Variants in RYR3 observed in about 807,000 individuals in gnomAD.
The protein encoded by RYR3 is ryanodine receptor 3.
In RYR3, 207 loss-of-function variants were observed where a neutral mutation model predicts 584.3. The ratio of observed to expected loss-of-function variants is 0.35; its 90% CI spans 0.32 to 0.40. The LOEUF (loss-of-function observed/expected upper bound fraction) is 0.40, where lower values mean the gene tolerates loss of function less well. Among genes scored for constraint, RYR3 ranks in the 10% least tolerant of loss-of-function variants. The pLI is 1.00. For synonymous variants in RYR3, 2,416 were observed against 2,248.5 expected (o/e 1.07, Z -2.11); for missense variants, 5,616 against 6,089.2 (o/e 0.92, Z 2.59).
chr15:33,647,364 C>CGGAACTGT lies in RYR3; in HGVS notation c.3942-57_3942-50dup, dbSNP rs145808770. The CGGAACTGT allele has an allele frequency of 1.0e-3, 1,387 of 1,384,218 alleles. 14 individuals are homozygous for CGGAACTGT. In the African/African-American group the frequency reaches 0.017, roughly 17 times the overall value. The allele number at this position is 1,384,218 out of a possible 1,614,324, so 85.7% of individuals were successfully genotyped here. A position where few individuals can be genotyped will look rare whatever the true frequency, so the allele number is the denominator to read the frequency against. ...ATTGAAGGTAGATCAAGTTGCCTGTCGGAACTGTGGGATTCTCAATACAGC... is the reference window on the plus strand; with the variant it reads ...ATTGAAGGTAGATCAAGTTGCCTGTCGGAACTGTGGAACTGTGGGATTCTCAATACAGC... On this transcript the variant is annotated intron_variant, in intron 29 of 103. Coordinates refer to ENST00000634891, the MANE Select transcript of RYR3 (RefSeq NM_001036.6).
intron 36 of RYR3, among the ~76,000 whole-genome samples, chr15:33,664,833 A>G (rs1480767762): frequency 6.6e-6 from 1 of 151,918 alleles, no homozygotes; most frequent in African/African-American, 2.4e-5. Flanking sequence ...CAGAACTACA[A>G]CTCCATCCAA....
intron 38 of RYR3, among the ~76,000 whole-genome samples, chr15:33,690,726 T>G (rs1344486220): frequency 3.9e-5 from 6 of 152,316 alleles, no homozygotes; most frequent in Non-Finnish European, 8.8e-5. Context: ...TCTCAAACCC[T>G]TTGGTCTTGG....
At chr15:33,463,766 C>T (rs963144391) in intron 1 of RYR3, among the ~76,000 whole-genome samples, 3 of 152,234 alleles carry the variant, frequency 2.0e-5, no homozygotes, top group Non-Finnish European at 4.4e-5. Flanking sequence ...TATGGTCAAG[C>T]TCAAGCTCCA....
rs1167053074 is a variant in RYR3, at chr15:33,772,650, T to G, written c.9055+492T>G. 2.0e-5 allele frequency among the ~76,000 whole-genome samples: 3 copies of G among 152,212 alleles called. No individual in the cohort carries two copies. The East Asian group carries it at 5.8e-4, about 29-fold the overall frequency. ...TAGTTTGCATTAACACCATATTTAG[T>G]GCCACCACCTCCTCCAGCCCCCTGT... On this transcript the variant is annotated intron_variant, in intron 63 of 103. Coordinates refer to ENST00000634891, the MANE Select transcript of RYR3 (RefSeq NM_001036.6).
At chr15:33,635,411 A>G (rs540743425) in intron 25 of RYR3, among the ~76,000 whole-genome samples, 1 of 152,370 alleles carries the variant, frequency 6.6e-6, no homozygotes, top group East Asian at 1.9e-4. Flanking sequence ...TCTACTATGA[A>G]GCAATCCCTC....
intron 97 of RYR3, 64 bp from the exon 98 acceptor site, chr15:33,854,702 A>G (rs550917761): frequency 6.5e-7 from 1 of 1,535,270 alleles, no homozygotes; most frequent in African/African-American, 1.4e-5. Flanking sequence ...ATAAGAAAAA[A>G]TGTTTTATAA....
intron 43 of RYR3, among the ~76,000 whole-genome samples, chr15:33,711,199 A>G (rs2067086585): frequency 6.7e-6 from 1 of 148,832 alleles, no homozygotes; most frequent in African/African-American, 2.5e-5. Context: ...ATCTGAACAT[A>G]GGTTGTTAGA....
chr15:33,757,712 G>T lies in RYR3; in HGVS notation c.8705+116G>T, dbSNP rs575768808. On this transcript the variant is annotated intron_variant, in intron 60 of 103. Transcript: ENST00000634891. The stretch of plus-strand genomic sequence containing the variant: ...AGAAATGAAACTGGATGATGTTTTG[G>T]TTTGTCATCTGAGTTTCGAAAGAAA... The T allele has an allele frequency of 1.8e-5, 21 of 1,187,790 alleles. No individual in the cohort carries two copies. The Admixed American group carries it at 4.9e-4, about 28-fold the overall frequency. The allele number at this position is 1,187,790 out of a possible 1,614,324, so 73.6% of individuals were successfully genotyped here.
chr15:33,629,838 G>A (rs562707352), intron 21 of RYR3, 102 bp from the exon 22 acceptor site: 1 of 622,636 alleles, frequency 1.6e-6, no homozygotes, highest in East Asian at 2.8e-5. Flanking sequence ...TGCCTGATAT[G>A]GATTGCCTGG....
chr15:33,821,256 T>G lies in RYR3; in HGVS notation c.10816-14T>G. On this transcript the variant is annotated splice_polypyrimidine_tract_variant and intron_variant, in intron 78 of 103. Coordinates refer to ENST00000634891, the MANE Select transcript of RYR3 (RefSeq NM_001036.6). The stretch of plus-strand genomic sequence containing the variant: ...TAGGAACCAATCTTTCCCTGTGATT[T>G]TTTTTCCCCCCAGGAGAAAGAGATG... 1 of 1,578,366 alleles carries G rather than the reference T, an allele frequency of 6.3e-7. No individual in the cohort carries two copies.
At position 33,509,893 on chromosome 15, in the gene RYR3, A is replaced by T. The variant is rs571001434; in HGVS notation, c.279+6155A>T. Among the ~76,000 whole-genome samples the T allele has an allele frequency of 2.0e-5, 3 of 152,376 alleles. No homozygotes were observed. In the South Asian group the frequency reaches 6.2e-4, roughly 32 times the overall value. The stretch of plus-strand genomic sequence containing the variant: ...TACACCTGATTGGTAAGAACAGGAT[A>T]TCACATCATTAAATTTTTAACTTGC... On this transcript the variant is annotated intron_variant, in intron 3 of 103. Transcript: ENST00000634891.
intron 1 of RYR3, among the ~76,000 whole-genome samples, chr15:33,329,986 C>G (rs1337362359): frequency 6.6e-6 from 1 of 152,142 alleles, no homozygotes; most frequent in Admixed American, 6.5e-5. Context: ...AGGGAGTGAT[C>G]TTGTGTATAA....
intron 3 of RYR3, among the ~76,000 whole-genome samples, chr15:33,521,794 G>T (rs2054004931): frequency 6.6e-6 from 1 of 152,080 alleles, no homozygotes; most frequent in African/African-American, 2.4e-5. Context: ...TTTCTTTTCT[G>T]GGGTAAGGGC....
intron 20 of RYR3, among the ~76,000 whole-genome samples, chr15:33,626,062 A>T (rs539905791): frequency 9.8e-5 from 15 of 152,350 alleles, no homozygotes; most frequent in African/African-American, 3.6e-4. Context: ...CCAAGCAGGC[A>T]GAGAGTAGAA....
intron 1 of RYR3, among the ~76,000 whole-genome samples, chr15:33,435,328 G>A (rs778380684): frequency 1.6e-4 from 24 of 149,448 alleles, no homozygotes; most frequent in Non-Finnish European, 2.8e-4. Context: ...AACTACTTTT[G>A]TTAATGTTGT....
At chr15:33,425,672 C>T (rs866206513) in intron 1 of RYR3, among the ~76,000 whole-genome samples, 40 of 127,584 alleles carry the variant, frequency 3.1e-4, no homozygotes, top group East Asian at 8.6e-4. Context: ...GATGGAGTCT[C>T]GCTCTGTGGC....
intron 1 of RYR3, among the ~76,000 whole-genome samples, chr15:33,367,143 T>G (rs1041085474): frequency 6.6e-6 from 1 of 152,232 alleles, no homozygotes; most frequent in Non-Finnish European, 1.5e-5. Context: ...AGCCAGAGGC[T>G]GTGATACCTC....
chr15:33,699,903 A>G, intron 41 of RYR3, 70 bp downstream of exon 41: 1 of 1,516,544 alleles, frequency 6.6e-7, no homozygotes, highest in Non-Finnish European at 9.0e-7. Context: ...ACCACTTAGG[A>G]AAATACAGGG....
chr15:33,669,597 C>A, intron 37 of RYR3, 141 bp downstream of exon 37: 1 of 698,174 alleles, frequency 1.4e-6, no homozygotes, highest in Non-Finnish European at 2.4e-6. Flanking sequence ...CGTGACTATC[C>A]TAGCTACTTG....
Sources: gnomAD v4.1 joint callset for allele counts (sites outside exome capture counted in the v4.1 genomes callset) on GRCh38, gnomAD v4.1.1 for gene constraint, MANE v1.5 for transcripts, NCBI Gene and HGNC (gene_info 2026-07-23, HGNC 2026-07-21) for gene names.